SERPINI1: variants seen among roughly 807,000 people sequenced by gnomAD.
The protein encoded by SERPINI1 is serpin family I member 1.
In SERPINI1, 19 loss-of-function variants were observed where a neutral mutation model predicts 41.1. The observed-to-expected ratio is 0.46, with a 90% CI of 0.32 to 0.68. The LOEUF is 0.68. Among genes scored for constraint, SERPINI1 ranks in the 30% least tolerant of loss-of-function variants. The probability of loss-of-function intolerance (pLI) is 0.03; values close to 1 mark genes in which losing one functional copy is unlikely to be tolerated. For missense variants in SERPINI1, 460 were observed against 479.2 expected, an observed-to-expected ratio of 0.96 and a Z score of 0.37; for synonymous variants, 138 against 156.6, an observed-to-expected ratio of 0.88 and a Z score of 0.89.
chr3:167,741,227 A>T (rs1725668164), intron 1 of SERPINI1, among the ~76,000 whole-genome samples: 1 of 152,160 alleles, frequency 6.6e-6, no homozygotes, highest in South Asian at 2.1e-4. Flanking sequence ...CACAGCTCTT[A>T]ATGTGGGAAG....
Position 167,792,792 on chromosome 3 carries a change from A to T in SERPINI1, c.676+8A>T. ...AAGGAGAATTTTATTATGGTAAGAC[A>T]TTTTTTGCTTTTATTTCTCTCTTCT... On this transcript the variant is annotated splice_region_variant and intron_variant, in intron 4 of 8. Coordinates refer to ENST00000446050, the MANE Select transcript of SERPINI1 (RefSeq NM_001122752.2). The T allele has an allele frequency of 6.2e-7, 1 of 1,610,306 alleles. No homozygotes were observed. Among genetic ancestry groups the T allele is most frequent in the African/African-American group, 1.3e-5 (1 of 74,900 alleles).
chr3:167,784,132 C>CT (rs76091178), intron 1 of SERPINI1, among the ~76,000 whole-genome samples: 39 of 151,592 alleles, frequency 2.6e-4, no homozygotes, highest in East Asian at 1.6e-3. Flanking sequence ...TCTAACATTG[C>CT]TTTTTTTTTC....
intron 1 of SERPINI1, among the ~76,000 whole-genome samples, chr3:167,772,862 C>CTCTCTCTCTCTT (rs1553772911): frequency 8.5e-5 from 2 of 23,632 alleles, no homozygotes; most frequent in African/African-American, 3.3e-4. Context: ...CTCTCTCTCT[C>CTCTCTCTCTCTT]TCTATATATA....
chr3:167,798,348 T>C (rs564210994), intron 5 of SERPINI1, among the ~76,000 whole-genome samples: 29 of 152,332 alleles, frequency 1.9e-4, no homozygotes, highest in East Asian at 7.7e-4. Flanking sequence ...ACATGGCTAA[T>C]GCATAGATAG....
At chr3:167,778,397 T>C (rs1727024803) in intron 1 of SERPINI1, among the ~76,000 whole-genome samples, 1 of 152,174 alleles carries the variant, frequency 6.6e-6, no homozygotes. Context: ...GGCTATGGTT[T>C]GTAAGGATAA....
intron 1 of SERPINI1, among the ~76,000 whole-genome samples, chr3:167,736,973 C>T (rs1045975970): frequency 6.6e-6 from 1 of 151,766 alleles, no homozygotes; most frequent in African/African-American, 2.4e-5. Flanking sequence ...TTCATTGTGA[C>T]AGTTGCATAT....
chr3:167,748,221 G>A (rs1039028544), intron 1 of SERPINI1, among the ~76,000 whole-genome samples: 4 of 151,760 alleles, frequency 2.6e-5, no homozygotes, highest in Non-Finnish European at 5.9e-5. Flanking sequence ...GAAAAAAAAA[G>A]TCAAACTATT....
rs545806214 is a variant in SERPINI1, at chr3:167,778,199, ATG to A, written c.-18-10911_-18-10910del. Among the ~76,000 whole-genome samples the A allele has an allele frequency of 3.2e-3, 488 of 152,334 alleles. 2 individuals carry two copies. Among genetic ancestry groups the A allele is most frequent in the African/African-American group, 0.011 (471 of 41,572 alleles). On this transcript the variant is annotated intron_variant, in intron 1 of 8. Transcript: ENST00000446050. ...TCATCAGGCCCAGCTGTACTCTTGC[ATG>A]CATGTAAAATAACCAAGAATTTTAG...
In SERPINI1 at chr3:167,800,915, A is replaced by G. The variant is rs577699820; in HGVS notation, c.881+6091A>G. ...ACTGCAACCTCCACCTCCCAGGTTC[A>G]AAAGCCATTCTCCTGCCTCAGCCTC... On this transcript the variant is annotated intron_variant, in intron 5 of 8. Coordinates refer to ENST00000446050, the MANE Select transcript of SERPINI1 (RefSeq NM_001122752.2). 4.6e-5 allele frequency among the ~76,000 whole-genome samples: 7 copies of G among 152,222 alleles called. 1 individual carries two copies. Among genetic ancestry groups the G allele is most frequent in the African/African-American group, 1.7e-4 (7 of 41,550 alleles).
intron 1 of SERPINI1, among the ~76,000 whole-genome samples, chr3:167,774,381 G>A (rs1162504426): frequency 6.6e-6 from 1 of 152,186 alleles, no homozygotes; most frequent in South Asian, 2.1e-4. Flanking sequence ...AGAAAATTAT[G>A]GTTATTGGCC....
rs898215151 is a variant in SERPINI1 at position 167,763,228 on chromosome 3, GA to G, written c.-18-25875del. Among the ~76,000 whole-genome samples, 182 of 151,990 alleles carry G rather than the reference GA, an allele frequency of 1.2e-3. 1 individual carries two copies. Among genetic ancestry groups the G allele is most frequent in the African/African-American group, 4.3e-3 (177 of 41,454 alleles). On this transcript the variant is annotated intron_variant, in intron 1 of 8. Coordinates refer to ENST00000446050, the MANE Select transcript of SERPINI1 (RefSeq NM_001122752.2). ...AAATTGATGTTAGGCAATAATGCTAGAAAAAAAAGATAAAAATCACAGCTAG... is the reference window on the plus strand; with the variant it reads ...AAATTGATGTTAGGCAATAATGCTAGAAAAAAAGATAAAAATCACAGCTAG...
In SERPINI1 at chr3:167,794,845, C is replaced by G. The variant is rs906344556; in HGVS notation, c.881+21C>G. On this transcript the variant is annotated intron_variant, in intron 5 of 8. Coordinates refer to ENST00000446050, the MANE Select transcript of SERPINI1 (RefSeq NM_001122752.2). ...CCCAGGTATGAGGTTCCTGTGTCAC[C>G]CGTCCCACAGCATGGACGATGGGCT... 2.5e-6 allele frequency: 4 copies of G among 1,598,812 alleles called. No homozygotes were observed. The Admixed American group carries it at 5.0e-5, about 20-fold the overall frequency.
intron 1 of SERPINI1, among the ~76,000 whole-genome samples, chr3:167,757,367 CAT>C (rs754003535): frequency 1.3e-5 from 2 of 152,120 alleles, no homozygotes; most frequent in African/African-American, 2.4e-5. Context: ...TATAAACAAA[CAT>C]GAGTAAAGGA....
Position 167,769,981 on chromosome 3 carries a change from T to G in SERPINI1, c.-18-19130T>G, listed in dbSNP as rs190361235. 1.2e-3 allele frequency among the ~76,000 whole-genome samples: 135 copies of G among 112,012 alleles called. 1 individual carries two copies. Among genetic ancestry groups the G allele is most frequent in the African/African-American group, 5.4e-3 (126 of 23,132 alleles). 73.5% of individuals were successfully genotyped at this position (112,012 alleles called of 152,430 possible). On this transcript the variant is annotated intron_variant, in intron 1 of 8. Transcript: ENST00000446050. ...TTGTCTCTTGACTGTAGTTACATGT[T>G]TTTTTTTTTCCTGTGGATTATTTTT...
chr3:167,755,639 C>T (rs1246513639), intron 1 of SERPINI1, among the ~76,000 whole-genome samples: 2 of 151,996 alleles, frequency 1.3e-5, no homozygotes, highest in East Asian at 3.9e-4. Context: ...AAAATGTGAC[C>T]TTGGTATTAT....
chr3:167,793,727 T>C (rs1727610656), intron 4 of SERPINI1, among the ~76,000 whole-genome samples: 1 of 151,456 alleles, frequency 6.6e-6, no homozygotes, highest in Admixed American at 6.6e-5. Context: ...CACTCCAGCT[T>C]AGGTGGCAGA....
At chr3:167,782,586 A>C (rs1219358456) in intron 1 of SERPINI1, among the ~76,000 whole-genome samples, 1 of 152,216 alleles carries the variant, frequency 6.6e-6, no homozygotes, top group Non-Finnish European at 1.5e-5. Context: ...TACAAAGATG[A>C]ATATCCTTCC....
chr3:167,745,110 T>A (rs922829727), intron 1 of SERPINI1, among the ~76,000 whole-genome samples: 4 of 151,432 alleles, frequency 2.6e-5, no homozygotes, highest in African/African-American at 9.7e-5. Context: ...AACAAATTGC[T>A]AGAAAGACAC....
chr3:167,819,706 T>G (rs1200879329), intron 6 of SERPINI1, among the ~76,000 whole-genome samples: 3 of 152,182 alleles, frequency 2.0e-5, no homozygotes, highest in Non-Finnish European at 4.4e-5. Context: ...TACAAGATAA[T>G]TATGTGCTTT....
Sources: gnomAD v4.1 joint callset for allele counts (sites outside exome capture counted in the v4.1 genomes callset) on GRCh38, gnomAD v4.1.1 for gene constraint, MANE v1.5 for transcripts, NCBI Gene and HGNC (gene_info 2026-07-23, HGNC 2026-07-21) for gene names.